Variants in ARHGEF12 observed in about 807,000 individuals in gnomAD.
ARHGEF12 encodes Rho guanine nucleotide exchange factor 12.
Under a neutral mutation model 211.2 loss-of-function variants are expected in ARHGEF12, and 66 were observed. The observed-to-expected ratio is 0.31, with a 90% confidence interval of 0.26 to 0.38. ARHGEF12 has a LOEUF of 0.38. Among genes scored for constraint, ARHGEF12 ranks in the 10% least tolerant of loss-of-function variants. The pLI, the probability that ARHGEF12 is intolerant of heterozygous loss-of-function variation, is 1.00. For synonymous variants in ARHGEF12, 592 were observed against 638.4 expected, an observed-to-expected ratio of 0.93 and a Z score of 1.09; for missense variants, 1,429 against 1,869.5, an observed-to-expected ratio of 0.76 and a Z score of 4.34.
intron 1 of ARHGEF12, among the ~76,000 whole-genome samples, chr11:120,383,379 C>T (rs1015582861): frequency 1.3e-5 from 2 of 152,028 alleles, no homozygotes; most frequent in African/African-American, 4.8e-5. Flanking sequence ...CAGGGTGATT[C>T]AAGCACATTA....
chr11:120,390,622 A>G (rs954855732), intron 1 of ARHGEF12, among the ~76,000 whole-genome samples: 1 of 152,206 alleles, frequency 6.6e-6, no homozygotes, highest in Non-Finnish European at 1.5e-5. Context: ...CGGGATATGA[A>G]TACCTTTCTA....
chr11:120,483,996 C>T (rs1312321038), intron 39 of ARHGEF12, among the ~76,000 whole-genome samples: 1 of 152,104 alleles, frequency 6.6e-6, no homozygotes, highest in Non-Finnish European at 1.5e-5. Context: ...CTCAGGTGAT[C>T]CACCTGCCTC....
intron 8 of ARHGEF12, 76 bp from the exon 9 acceptor site, chr11:120,429,364 C>A: frequency 8.0e-7 from 1 of 1,245,384 alleles, no homozygotes; most frequent in Non-Finnish European, 1.1e-6. Context: ...CTTTGTATGC[C>A]ACATTTTCTC....
chr11:120,367,320 A>T (rs1423335089), intron 1 of ARHGEF12, among the ~76,000 whole-genome samples: 1 of 145,720 alleles, frequency 6.9e-6, no homozygotes, highest in Non-Finnish European at 1.5e-5. Flanking sequence ...AGATGCTTTT[A>T]ATAATAAAAA....
At chr11:120,437,436 A>G in intron 12 of ARHGEF12, 54 bp downstream of exon 12, 1 of 1,400,454 alleles carries the variant, frequency 7.1e-7, no homozygotes, top group Non-Finnish European at 1.0e-6. Flanking sequence ...CCTTATACTT[A>G]AAGTATGGTA....
chr11:120,480,249 C>G lies in ARHGEF12; in HGVS notation c.4056C>G (p.Asn1352Lys). 1 of 1,614,172 alleles carries G rather than the reference C, an allele frequency of 6.2e-7. No homozygotes were observed. The highest frequency in any genetic ancestry group is 8.5e-7 in the Non-Finnish European group (1 of 1,180,028). The change falls in exon 38 of 41, where the codon AAC becomes AAG. Residue 1352 changes from asparagine (N) to lysine (K), a missense_variant. By Grantham distance (94) the Asn-to-Lys change is moderately conservative. Coordinates refer to ENST00000397843, the MANE Select transcript of ARHGEF12 (RefSeq NM_015313.3). ...CACCCCAGGATAGCCAGGCAAGTAA[C>G]ATTTTAGTAATGGACCACATGATTA... The part of the protein sequence containing the change: ...GLAPQDSQAS[N>K]ILVMDHMIMT...
In ARHGEF12 at chr11:120,487,741, T is replaced by A. The variant is rs1947433101; in HGVS notation, c.*2664T>A. ...AGTGACCTGCTGTGACACTGTGCTC[T>A]CTTCTGTGGGCTTAATGGTTCCTTT... On this transcript the variant is annotated 3_prime_UTR_variant, in exon 41 of 41. Coordinates refer to ENST00000397843, the MANE Select transcript of ARHGEF12 (RefSeq NM_015313.3). The A allele has an allele frequency of 9.0e-6, 2 of 222,162 alleles. No individual in the cohort carries two copies. Among genetic ancestry groups the A allele is most frequent in the Non-Finnish European group, 1.8e-5 (2 of 111,116 alleles). The allele number at this position is 222,162 out of a possible 1,614,324, so 13.8% of individuals were successfully genotyped here.
chr11:120,421,236 T>C (rs985735608), intron 5 of ARHGEF12, among the ~76,000 whole-genome samples: 1 of 152,184 alleles, frequency 6.6e-6, no homozygotes, highest in African/African-American at 2.4e-5. Context: ...GATAATATTT[T>C]CTACTGCTGT....
intron 1 of ARHGEF12, among the ~76,000 whole-genome samples, chr11:120,370,969 GCTTCGTCCTT>G (rs1264525413): frequency 2.6e-5 from 4 of 152,038 alleles, no homozygotes; most frequent in African/African-American, 9.7e-5. Flanking sequence ...ATGAGTCCCC[GCTTCGTCCTT>G]CAAGAATTAT....
intron 2 of ARHGEF12, among the ~76,000 whole-genome samples, chr11:120,406,383 C>G (rs951473504): frequency 6.6e-6 from 1 of 152,032 alleles, no homozygotes; most frequent in Admixed American, 6.5e-5. Context: ...TATTTAAGGT[C>G]ACACTGAAGA....
chr11:120,407,889 G>GAA (rs1944759685), intron 3 of ARHGEF12, 66 bp downstream of exon 3: 1 of 1,377,460 alleles, frequency 7.3e-7, no homozygotes. Context: ...TAGAGCTTAA[G>GAA]CTACCCGAAA....
chr11:120,394,423 T>A (rs908137282), intron 1 of ARHGEF12, among the ~76,000 whole-genome samples: 1 of 151,650 alleles, frequency 6.6e-6, no homozygotes, highest in Non-Finnish European at 1.5e-5. Context: ...CTCAAACTCC[T>A]GGGTTCAAGC....
intron 1 of ARHGEF12, among the ~76,000 whole-genome samples, chr11:120,387,586 T>A (rs755800356): frequency 1.3e-5 from 2 of 152,102 alleles, no homozygotes; most frequent in African/African-American, 2.4e-5. Flanking sequence ...GAAGAACACC[T>A]ACGAAACAAT....
At chr11:120,400,213 A>G (rs1284035541) in intron 1 of ARHGEF12, among the ~76,000 whole-genome samples, 1 of 151,962 alleles carries the variant, frequency 6.6e-6, no homozygotes, top group Admixed American at 6.5e-5. Flanking sequence ...ATTTTTTTCT[A>G]CTCTTATTTT....
intron 22 of ARHGEF12, among the ~76,000 whole-genome samples, chr11:120,454,562 C>T (rs910717602): frequency 6.6e-5 from 10 of 152,086 alleles, no homozygotes; most frequent in African/African-American, 2.4e-4. Context: ...AAATTTATCT[C>T]GACTTTTTGG....
chr11:120,364,635 ATTACT>A (rs1232845526), intron 1 of ARHGEF12, among the ~76,000 whole-genome samples: 3 of 152,186 alleles, frequency 2.0e-5, no homozygotes, highest in Admixed American at 1.3e-4. Context: ...CTGTTAATAA[ATTACT>A]TTATGTCATT....
rs551257104 is a variant in ARHGEF12 at position 120,482,011 on chromosome 11, G to A, written c.4554+435G>A. ...CCTGACCTCGTGATCCGCCTGCCTCGGCCTCCCAAAGTACTGGGATTACAG... is the reference window on the plus strand; with the variant it reads ...CCTGACCTCGTGATCCGCCTGCCTCAGCCTCCCAAAGTACTGGGATTACAG... On this transcript the variant is annotated intron_variant, in intron 39 of 40. Coordinates refer to ENST00000397843, the MANE Select transcript of ARHGEF12 (RefSeq NM_015313.3). Among the ~76,000 whole-genome samples, 20 of 152,108 alleles carry A rather than the reference G, an allele frequency of 1.3e-4. No individual in the cohort carries two copies. In the South Asian group the frequency reaches 2.7e-3, roughly 21 times the overall value.
intron 10 of ARHGEF12, among the ~76,000 whole-genome samples, chr11:120,430,208 A>G (rs192560031): frequency 6.6e-4 from 100 of 152,242 alleles, no homozygotes; most frequent in African/African-American, 2.4e-3. Context: ...AGAATTTACA[A>G]CAACAGGCAT....
At chr11:120,437,207 C>A in intron 11 of ARHGEF12, 101 bp from the exon 12 acceptor site, 1 of 735,994 alleles carries the variant, frequency 1.4e-6, no homozygotes, top group Non-Finnish European at 2.1e-6. Flanking sequence ...GTTGTAAATA[C>A]AAATATGAAA....
Sources: gnomAD v4.1 joint callset for allele counts (sites outside exome capture counted in the v4.1 genomes callset) on GRCh38, gnomAD v4.1.1 for gene constraint, MANE v1.5 for transcripts, NCBI Gene and HGNC (gene_info 2026-07-23, HGNC 2026-07-21) for gene names.